The following CAST variants were observed in gnomAD, a reference collection of about 807,000 sequenced individuals.
CAST encodes calpastatin, also known as MIR583 host.
A neutral mutation model predicts 119.6 loss-of-function variants in CAST; 76 were observed. That is an observed-to-expected ratio of 0.64 (90% CI 0.53 to 0.77). CAST has a LOEUF of 0.77. CAST is among the 30% of genes least tolerant of loss of function. The probability of loss-of-function intolerance (pLI) is 0.00; values close to 1 mark genes in which losing one functional copy is unlikely to be tolerated. For missense variants in CAST, 953 were observed against 946.5 expected (o/e 1.01, Z -0.09); for synonymous variants, 319 against 331.6 (o/e 0.96, Z 0.41).
chr5:96,565,320 A>C (rs1451620361), intron 1 of CAST, among the ~76,000 whole-genome samples: 1 of 152,190 alleles, frequency 6.6e-6, no homozygotes, highest in East Asian at 1.9e-4. Flanking sequence ...TATGCTACTT[A>C]GCCTGATTTG....
the CAST span, among the ~76,000 whole-genome samples, chr5:96,374,907 G>A: frequency 1.3e-5 from 2 of 152,142 alleles, no homozygotes; most frequent in African/African-American, 4.8e-5. Flanking sequence ...GTGGGTGGTG[G>A]TAGCAGGGCT....
At chr5:96,617,820 A>C (rs1351887407) in intron 1 of CAST, among the ~76,000 whole-genome samples, 2 of 143,336 alleles carry the variant, frequency 1.4e-5, no homozygotes, top group African/African-American at 5.4e-5. Flanking sequence ...AAAAAAAAAA[A>C]AAAAAAAAAC....
the CAST span, among the ~76,000 whole-genome samples, chr5:96,083,236 A>G: frequency 6.6e-6 from 1 of 152,256 alleles, no homozygotes; most frequent in Non-Finnish European, 1.5e-5. Context: ...TGTTATGACT[A>G]CAGTAAACTT....
the CAST span, among the ~76,000 whole-genome samples, chr5:96,266,098 C>T: frequency 1.8e-4 from 27 of 152,240 alleles, 2 homozygotes; most frequent in African/African-American, 6.5e-4. Flanking sequence ...AACAAATATA[C>T]ATTACTGAGA....
the CAST span, among the ~76,000 whole-genome samples, chr5:96,054,239 A>T: frequency 6.6e-6 from 1 of 151,960 alleles, no homozygotes; most frequent in Non-Finnish European, 1.5e-5. Context: ...TTTTTATTTT[A>T]AAAAAATATT....
At chr5:96,439,100 T>C in the CAST span, among the ~76,000 whole-genome samples, 94 of 152,314 alleles carry the variant, frequency 6.2e-4, no homozygotes, top group African/African-American at 2.2e-3. Flanking sequence ...GCATAATTTA[T>C]AATGGTTGCA....
chr5:96,396,992 G>C, the CAST span, among the ~76,000 whole-genome samples: 2 of 152,216 alleles, frequency 1.3e-5, no homozygotes, highest in Admixed American at 1.3e-4. Context: ...GTTGGTCTGA[G>C]CATTTAAGTA....
At chr5:96,091,538 C>T in the CAST span, among the ~76,000 whole-genome samples, 19 of 119,916 alleles carry the variant, frequency 1.6e-4, no homozygotes, top group Non-Finnish European at 3.3e-5. Context: ...TAGGGTCTTA[C>T]TCTGTCACCC....
the CAST span, among the ~76,000 whole-genome samples, chr5:96,517,913 A>C: frequency 1.3e-5 from 2 of 152,266 alleles, no homozygotes; most frequent in Non-Finnish European, 2.9e-5. Flanking sequence ...CCCTTTGTGA[A>C]TATTATGTCA....
At chr5:96,669,515 T>G (rs1749788995) in intron 1 of CAST, among the ~76,000 whole-genome samples, 1 of 152,140 alleles carries the variant, frequency 6.6e-6, no homozygotes, top group Admixed American at 6.5e-5. Flanking sequence ...GAAGGCAAGA[T>G]GTAAGTTTAT....
intron 16 of CAST, chr5:96,743,472 G>A (rs1322094222): frequency 1.4e-5 from 15 of 1,060,006 alleles, no homozygotes; most frequent in East Asian, 2.8e-5. Context: ...CCAGGAGCCC[G>A]CCCCACCTCC....
At chr5:96,128,133 T>A in the CAST span, among the ~76,000 whole-genome samples, 8 of 152,158 alleles carry the variant, frequency 5.3e-5, no homozygotes, top group African/African-American at 1.7e-4. Flanking sequence ...CTCATCTGGA[T>A]AACTTCTCAG....
the CAST span, among the ~76,000 whole-genome samples, chr5:96,235,732 C>T: frequency 6.6e-6 from 1 of 152,150 alleles, no homozygotes; most frequent in African/African-American, 2.4e-5. Flanking sequence ...AGTTTCCTCC[C>T]TCTGGGGGAA....
chr5:96,059,906 A>G, the CAST span, among the ~76,000 whole-genome samples: 1 of 152,120 alleles, frequency 6.6e-6, no homozygotes, highest in Non-Finnish European at 1.5e-5. Context: ...GCCACCCTTA[A>G]AGACCTGAAG....
At chr5:96,730,743 A>G (rs1319932094) in intron 8 of CAST, 37 bp from the exon 9 acceptor site, 1 of 1,449,738 alleles carries the variant, frequency 6.9e-7, no homozygotes, top group Admixed American at 1.7e-5. Flanking sequence ...ATGCAGAGAT[A>G]CTTAGCTCTG....
chr5:96,065,912 A>G, the CAST span, among the ~76,000 whole-genome samples: 1 of 152,180 alleles, frequency 6.6e-6, no homozygotes, highest in Non-Finnish European at 1.5e-5. Context: ...CAAAGTTTCC[A>G]ACAATTGAAG....
At chr5:96,506,440 T>C in the CAST span, among the ~76,000 whole-genome samples, 1 of 152,288 alleles carries the variant, frequency 6.6e-6, no homozygotes, top group South Asian at 2.1e-4. Context: ...AAGAGGAAGT[T>C]GGAGGAAGCA....
intron 1 of CAST, among the ~76,000 whole-genome samples, chr5:96,543,956 T>C (rs1043282975): frequency 1.3e-5 from 2 of 152,232 alleles, no homozygotes; most frequent in Non-Finnish European, 2.9e-5. Context: ...CCATACTCTC[T>C]TGGTCACTGT....
chr5:96,061,328 T>C, the CAST span, among the ~76,000 whole-genome samples: 6 of 152,052 alleles, frequency 3.9e-5, no homozygotes, highest in African/African-American at 1.4e-4. Context: ...ATGAGCTGGA[T>C]TGGGTCATAC....
Sources: gnomAD v4.1 joint callset for allele counts (sites outside exome capture counted in the v4.1 genomes callset) on GRCh38, gnomAD v4.1.1 for gene constraint, MANE v1.5 for transcripts, NCBI Gene and HGNC (gene_info 2026-07-23, HGNC 2026-07-21) for gene names.